The following UVSSA variants were observed in gnomAD, a reference collection of about 807,000 sequenced individuals.
UVSSA encodes the protein UV-stimulated scaffold protein A.
A neutral mutation model predicts 73.9 loss-of-function variants in UVSSA; 72 were observed. That is an observed-to-expected ratio of 0.97 (90% CI 0.81 to 1.19). The LOEUF (loss-of-function observed/expected upper bound fraction) is 1.19. Ranked by LOEUF, UVSSA falls within the 50% of genes most tolerant of loss-of-function variation. The pLI is 0.00. For missense variants in UVSSA, 1,150 were observed against 965.0 expected, an observed-to-expected ratio of 1.19 and a Z score of -2.54; for synonymous variants, 454 against 391.3, an observed-to-expected ratio of 1.16 and a Z score of -1.89.
intron 8 of UVSSA, among the ~76,000 whole-genome samples, chr4:1,371,232 G>A (rs1005409675): frequency 1.3e-5 from 2 of 150,968 alleles, no homozygotes; most frequent in African/African-American, 2.5e-5. Context: ...CCCGTGTTCA[G>A]TGAGAGTACG....
rs138697244 is a variant in UVSSA at position 1,375,462 on chromosome 4, C to T, written c.1387C>T (p.Gln463Ter). ...GTCGGACCCCACCTCTGCGGCTGCTCAGCTGCGGCAGCTCCGGGACCACTT... is the reference window on the plus strand; with the variant it reads ...GTCGGACCCCACCTCTGCGGCTGCTTAGCTGCGGCAGCTCCGGGACCACTT... ...EVSDPTSAAAQLRQLRDHLPP... is the reference protein window; with the variant it reads ...EVSDPTSAAA The change falls in exon 9 of 14, where the codon CAG becomes TAG. Residue 463 changes from glutamine to a stop codon, truncating the protein, a stop_gained. Transcript: ENST00000389851. LOFTEE classifies it high-confidence loss of function. The T allele has an allele frequency of 2.2e-5, 36 of 1,612,604 alleles. No homozygotes were observed. Among genetic ancestry groups the T allele is most frequent in the East Asian group, 4.5e-5 (2 of 44,880 alleles).
At chr4:1,373,428 T>C (rs1019385717) in intron 8 of UVSSA, among the ~76,000 whole-genome samples, 5 of 152,218 alleles carry the variant, frequency 3.3e-5, no homozygotes, top group Non-Finnish European at 7.3e-5. Context: ...TAAGGGTGGA[T>C]CTGCCTTCCC....
exon 14 of UVSSA, chr4:1,394,987 T>C: frequency 6.3e-7 from 1 of 1,576,782 alleles, no homozygotes; most frequent in Non-Finnish European, 8.6e-7. Flanking sequence ...GCCCGCCTGC[T>C]CACACGTGCC....
At chr4:1,364,498 C>G (rs1717056766) in intron 7 of UVSSA, among the ~76,000 whole-genome samples, 1 of 152,248 alleles carries the variant, frequency 6.6e-6, no homozygotes, top group Admixed American at 6.5e-5. Flanking sequence ...GTTGTCCTTC[C>G]TCCCTTCAGG....
At chr4:1,395,819 C>A in exon 14 of UVSSA, 2 of 1,613,994 alleles carry the variant, frequency 1.2e-6, no homozygotes, top group Non-Finnish European at 1.7e-6. Flanking sequence ...TCAAGGATCC[C>A]TTTTATATTT....
intron 7 of UVSSA, among the ~76,000 whole-genome samples, chr4:1,365,532 G>A (rs1297791247): frequency 6.6e-6 from 1 of 152,208 alleles, no homozygotes; most frequent in East Asian, 1.9e-4. Flanking sequence ...AATGGGAGGA[G>A]GGAGGCGGGG....
upstream of UVSSA, among the ~76,000 whole-genome samples, chr4:1,345,373 G>A (rs1024577644): frequency 2.0e-5 from 3 of 152,056 alleles, no homozygotes; most frequent in South Asian, 2.1e-4. Context: ...GCCCAGGCAC[G>A]GTGGCTCACG....
intron 7 of UVSSA, among the ~76,000 whole-genome samples, chr4:1,359,822 C>T (rs1043878950): frequency 7.3e-5 from 11 of 151,636 alleles, no homozygotes; most frequent in African/African-American, 2.7e-4. Flanking sequence ...AGCATTCTGC[C>T]CTCTGATGTT....
chr4:1,347,887 G>T, intron 1 of UVSSA, 127 bp downstream of exon 1: 1 of 569,190 alleles, frequency 1.8e-6, no homozygotes, highest in Non-Finnish European at 3.1e-6. Context: ...CCGAGTTTAA[G>T]GTTCACTTTT....
At chr4:1,345,644 CAAAAAAAAAAAAAAAAAAAAAA>C (rs71168831), upstream of UVSSA, among the ~76,000 whole-genome samples, 2 of 55,928 alleles carry the variant, frequency 3.6e-5, no homozygotes, top group African/African-American at 1.8e-4. Flanking sequence ...GACTTTGTCT[CAAAAAAAAAAAAAAAAAAAAAA>C]AAAAAAAAGG....
At chr4:1,362,659 G>A (rs1179757425) in intron 7 of UVSSA, among the ~76,000 whole-genome samples, 1 of 152,224 alleles carries the variant, frequency 6.6e-6, no homozygotes, top group Non-Finnish European at 1.5e-5. Context: ...GACCCGTGGT[G>A]CTGGCCCCTG....
In UVSSA at chr4:1,380,036, T is replaced by G. The variant is rs1227677434; in HGVS notation, c.1569-11T>G. 2 of 1,593,460 alleles carry G rather than the reference T, an allele frequency of 1.3e-6. No homozygotes were observed. Among genetic ancestry groups the G allele is most frequent in the African/African-American group, 2.7e-5 (2 of 74,634 alleles). ...TGCAGATGCTATGAGGGCCTCTGGC[T>G]GTGTCTGCAGGTCTGACTCCCAGCA... On this transcript the variant is annotated splice_polypyrimidine_tract_variant and intron_variant, in intron 10 of 13. Transcript: ENST00000389851.
rs141286641 is a variant in UVSSA, at chr4:1,353,060, C to T, written c.581C>T (p.Thr194Met). The T allele has an allele frequency of 2.1e-4, 337 of 1,612,094 alleles. No homozygotes were observed. In the African/African-American group the frequency reaches 3.8e-3, roughly 18 times the overall value. The change falls in exon 5 of 14, where the codon ACG becomes ATG. Residue 194 changes from threonine to methionine, a missense_variant. Transcript: ENST00000389851. Reference sequence around the variant, plus strand: ...TCTGGAGAAATTGAATCCTGCTTGACGGAGGTAGAGAGCTGCTTTAGGCTG... The same window carrying T: ...TCTGGAGAAATTGAATCCTGCTTGATGGAGGTAGAGAGCTGCTTTAGGCTG... ...EMSGEIESCL[T>M]EVESCFRLLV...
chr4:1,366,378 C>G lies in UVSSA; in HGVS notation c.1235C>G (p.Pro412Arg), dbSNP rs1272526683. ...DEDDEDFVEVPEKEGYEPHIP... is the reference protein window; with the variant it reads ...DEDDEDFVEVREKEGYEPHIP... ...GACGATGAGGACTTTGTGGAGGTCC[C>G]TGAGAAGGAGGGGTATGAGCCACAC... The change falls in exon 8 of 14, where the codon CCT (proline) becomes CGT (arginine). Residue 412 changes from proline (P) to arginine (R), a missense_variant. Pro to Arg is a moderately radical substitution (Grantham distance 103, BLOSUM62 -2). Coordinates refer to ENST00000389851, the MANE Select transcript of UVSSA (RefSeq NM_020894.4). 1 of 1,613,420 alleles carries G rather than the reference C, an allele frequency of 6.2e-7. No homozygotes were observed. The highest frequency in any genetic ancestry group is 8.5e-7 in the Non-Finnish European group (1 of 1,179,728).
At position 1,348,125 on chromosome 4, in the gene UVSSA, C is replaced by G; in HGVS notation, c.34C>G (p.Leu12Val). 3 of 1,613,858 alleles carry G rather than the reference C, an allele frequency of 1.9e-6. No homozygotes were observed. Among genetic ancestry groups the G allele is most frequent in the Non-Finnish European group, 2.5e-6 (3 of 1,179,976 alleles). Reference sequence around the variant, plus strand: ...GAAACTTTCGAAGTTGGTAGAAGAGCTCACAACTTCAGGAGAACCCCGACT... The same window carrying G: ...GAAACTTTCGAAGTTGGTAGAAGAGGTCACAACTTCAGGAGAACCCCGACT... The part of the protein sequence containing the change: ...DQKLSKLVEE[L>V]TTSGEPRLNP... The change falls in exon 2 of 14, where the codon CTC (leucine) becomes GTC (valine). Residue 12 changes from leucine (L) to valine (V), a missense_variant. Coordinates refer to ENST00000389851, the MANE Select transcript of UVSSA (RefSeq NM_020894.4).
chr4:1,344,369 G>C (rs988787503), upstream of UVSSA, among the ~76,000 whole-genome samples: 3 of 152,080 alleles, frequency 2.0e-5, no homozygotes, highest in Non-Finnish European at 4.4e-5. Context: ...TGGCCAATAT[G>C]GTGAAACCCT....
intron 11 of UVSSA, chr4:1,380,517 G>T: frequency 1.1e-6 from 1 of 930,654 alleles, no homozygotes; most frequent in Non-Finnish European, 1.6e-6. Flanking sequence ...TGCAGCCCGG[G>T]TCTGTGCTGG....
At chr4:1,385,707 T>A in intron 13 of UVSSA, 161 bp from the exon 14 acceptor site, 1 of 695,770 alleles carries the variant, frequency 1.4e-6, no homozygotes, top group South Asian at 1.8e-5. Context: ...AAGGGGCCCG[T>A]CGCCCATCTG....
rs1209026367 is a variant in UVSSA at position 1,349,714 on chromosome 4, C to T, written c.289C>T (p.Gln97Ter). Residue 97 changes from glutamine (Q) to a stop codon, truncating the protein, a stop_gained, in exon 3 of 14, where the codon CAG becomes TAG. Coordinates refer to ENST00000389851, the MANE Select transcript of UVSSA (RefSeq NM_020894.4). LOFTEE classifies it high-confidence loss of function. ...LELTLGTDPAQPLPPPREAAQ... is the reference protein window; with the variant it reads ...LELTLGTDPA Reference sequence around the variant, plus strand: ...GCTCACGCTGGGCACAGACCCCGCACAGCCTCTGCCGCCCCCCAGGGAGGC... The same window carrying T: ...GCTCACGCTGGGCACAGACCCCGCATAGCCTCTGCCGCCCCCCAGGGAGGC... 1.9e-6 allele frequency: 3 copies of T among 1,613,958 alleles called. No individual in the cohort carries two copies. The South Asian group carries it at 3.3e-5, about 18-fold the overall frequency.
Sources: gnomAD v4.1 joint callset for allele counts (sites outside exome capture counted in the v4.1 genomes callset) on GRCh38, gnomAD v4.1.1 for gene constraint, MANE v1.5 for transcripts, NCBI Gene and HGNC (gene_info 2026-07-23, HGNC 2026-07-21) for gene names.